IPO11: variants seen among roughly 807,000 people sequenced by gnomAD.
The protein encoded by IPO11 is importin-11.
In IPO11, 66 loss-of-function variants were observed where a neutral mutation model predicts 143.2. The observed-to-expected ratio is 0.46, with a 90% CI of 0.38 to 0.57. The LOEUF is 0.57. Among genes scored for constraint, IPO11 ranks in the 20% least tolerant of loss-of-function variants. The pLI is 0.00. For missense variants in IPO11, 1,026 were observed against 1,141.0 expected (o/e 0.90, Z 1.45); for synonymous variants, 385 against 377.8 (o/e 1.02, Z -0.22).
rs759412843 is a variant in IPO11 at position 62,483,218 on chromosome 5, T to A, written c.946T>A (p.Phe316Ile). The A allele has an allele frequency of 1.9e-6, 3 of 1,611,458 alleles. No homozygotes were observed. In the South Asian group the frequency reaches 3.3e-5, roughly 18 times the overall value. ...TGGTGAAGGCGTTACATTTGAACGA[T>A]TCATTGTCCAATGTATGAATCTTAT... ...EVGEGVTFER[F>I]IVQCMNLIKM... The change falls in exon 10 of 30, where the codon TTC becomes ATC. Residue 316 changes from phenylalanine (F) to isoleucine (I), a missense_variant. By Grantham distance (21) the Phe-to-Ile change is conservative. Around this residue, in one of 5 missense-constraint regions of IPO11, gnomAD observed 429 missense variants for 456.3 expected, o/e 0.94. Coordinates refer to ENST00000325324, the MANE Select transcript of IPO11 (RefSeq NM_016338.5).
intron 24 of IPO11, among the ~76,000 whole-genome samples, chr5:62,538,474 C>T (rs1316603964): frequency 1.3e-5 from 2 of 152,142 alleles, no homozygotes; most frequent in African/African-American, 2.4e-5. Flanking sequence ...ATGTTGTTCT[C>T]ATGATAGTGA....
intron 1 of IPO11, among the ~76,000 whole-genome samples, chr5:62,421,160 CTTCTT>C (rs1401518942): frequency 6.6e-6 from 1 of 152,086 alleles, no homozygotes; most frequent in East Asian, 1.9e-4. Flanking sequence ...ACATTTAGCT[CTTCTT>C]TTCTATATAT....
intron 3 of IPO11, among the ~76,000 whole-genome samples, chr5:62,449,122 C>T (rs915902082): frequency 2.0e-5 from 3 of 152,110 alleles, no homozygotes; most frequent in African/African-American, 7.2e-5. Context: ...CAGCCTTGAC[C>T]TCTTGGGCTC....
rs1745351182 is a variant in IPO11, at chr5:62,598,509, TC to T, written c.2679-3254del. On this transcript the variant is annotated intron_variant, in intron 28 of 29. Coordinates refer to ENST00000325324, the MANE Select transcript of IPO11 (RefSeq NM_016338.5). ...CTCTCTCTCTCTTTCTTTCTTTCTT[TC>T]TTTCTTTCTTTCTTTCTTTTCTTTC... Among the ~76,000 whole-genome samples, 2 of 6,756 alleles carry T rather than the reference TC, an allele frequency of 3.0e-4. 1 individual carries two copies. The highest frequency in any genetic ancestry group is 5.8e-3 in the Admixed American group (2 of 342). 4.4% of individuals were successfully genotyped at this position (6,756 alleles called of 152,430 possible). A position where few individuals can be genotyped will look rare whatever the true frequency, so the allele number is the denominator to read the frequency against.
intron 9 of IPO11, among the ~76,000 whole-genome samples, chr5:62,477,990 T>G (rs1038062573): frequency 6.6e-6 from 1 of 152,232 alleles, no homozygotes; most frequent in Non-Finnish European, 1.5e-5. Context: ...TGAGTCTTCA[T>G]GACATCATCA....
At chr5:62,592,827 G>T (rs182400903) in intron 28 of IPO11, among the ~76,000 whole-genome samples, 5 of 152,232 alleles carry the variant, frequency 3.3e-5, no homozygotes, top group Non-Finnish European at 7.4e-5. Flanking sequence ...ACAGCATGAG[G>T]GTAATCGCCC....
chr5:62,616,230 G>C (rs1705168021), intron 29 of IPO11, among the ~76,000 whole-genome samples: 1 of 152,126 alleles, frequency 6.6e-6, no homozygotes, highest in African/African-American at 2.4e-5. Flanking sequence ...TTAATCTGTA[G>C]GTAGCTAAAT....
chr5:62,496,380 T>C (rs1741158587), intron 16 of IPO11, among the ~76,000 whole-genome samples: 1 of 152,054 alleles, frequency 6.6e-6, no homozygotes, highest in Admixed American at 6.5e-5. Flanking sequence ...TTTGAGGAAA[T>C]GTTGCTTTAG....
intron 7 of IPO11, among the ~76,000 whole-genome samples, chr5:62,471,974 T>C (rs939351282): frequency 6.6e-6 from 1 of 152,222 alleles, no homozygotes; most frequent in Non-Finnish European, 1.5e-5. Flanking sequence ...ATTACCAAAT[T>C]GCTGAAAGAT....
intron 29 of IPO11, among the ~76,000 whole-genome samples, chr5:62,603,204 C>T (rs1337477316): frequency 6.6e-6 from 1 of 152,182 alleles, no homozygotes; most frequent in Non-Finnish European, 1.5e-5. Flanking sequence ...TAATATTTAA[C>T]ATTGAAGTAA....
At chr5:62,571,724 C>T (rs1378336324) in intron 27 of IPO11, among the ~76,000 whole-genome samples, 6 of 147,072 alleles carry the variant, frequency 4.1e-5, no homozygotes, top group South Asian at 2.1e-4. Context: ...CTTGCTCTGT[C>T]GCCCAGGCTG....
At chr5:62,481,830 T>C (rs551956938) in intron 9 of IPO11, among the ~76,000 whole-genome samples, 4 of 152,334 alleles carry the variant, frequency 2.6e-5, no homozygotes, top group African/African-American at 9.6e-5. Flanking sequence ...GATTCCCTCT[T>C]TTTCTATTGA....
At chr5:62,513,472 T>A (rs1741866524) in intron 19 of IPO11, among the ~76,000 whole-genome samples, 1 of 116,196 alleles carries the variant, frequency 8.6e-6, no homozygotes, top group African/African-American at 3.2e-5. Flanking sequence ...GGCTCCTCAC[T>A]TCCCAGTAGG....
intron 2 of IPO11, among the ~76,000 whole-genome samples, chr5:62,438,758 A>G (rs925885196): frequency 6.8e-6 from 1 of 147,948 alleles, no homozygotes; most frequent in Non-Finnish European, 1.5e-5. Context: ...ATCTCAAAAA[A>G]AAAAGGGGGG....
intron 5 of IPO11, among the ~76,000 whole-genome samples, chr5:62,462,695 CA>C (rs1195288237): frequency 6.6e-6 from 1 of 151,962 alleles, no homozygotes; most frequent in East Asian, 1.9e-4. Flanking sequence ...TATGCCCGGC[CA>C]CTATAAAATA....
chr5:62,562,049 C>T (rs576003785), intron 27 of IPO11: 2 of 152,294 alleles, frequency 1.3e-5, no homozygotes, highest in African/African-American at 2.4e-5. Flanking sequence ...CCTGGAGCCC[C>T]CTTCGTTTTC....
At chr5:62,535,130 G>C (rs1040549022) in intron 22 of IPO11, among the ~76,000 whole-genome samples, 1 of 151,710 alleles carries the variant, frequency 6.6e-6, no homozygotes, top group Admixed American at 6.6e-5. Context: ...GCAGTGTGAA[G>C]TGACCTAATT....
At chr5:62,610,516 A>G (rs1394646004) in intron 29 of IPO11, among the ~76,000 whole-genome samples, 1 of 152,228 alleles carries the variant, frequency 6.6e-6, no homozygotes, top group Non-Finnish European at 1.5e-5. Context: ...CATATCACAT[A>G]TATTTGCACC....
rs568073001 is a variant in IPO11 at position 62,481,733 on chromosome 5, A to G, written c.829-1368A>G. Among the ~76,000 whole-genome samples the G allele has an allele frequency of 2.6e-5, 4 of 152,264 alleles. No homozygotes were observed. In the East Asian group the frequency reaches 5.8e-4, roughly 22 times the overall value. On this transcript the variant is annotated intron_variant, in intron 9 of 29. Coordinates refer to ENST00000325324, the MANE Select transcript of IPO11 (RefSeq NM_016338.5). ...TATTGGTCTAAATCCCTGATTGTTC[A>G]TCAGGGATATTGGTCTCTTTTTTTG...
Sources: allele counts gnomAD v4.1 joint callset (sites outside exome capture counted in the v4.1 genomes callset), GRCh38; gene constraint gnomAD v4.1.1; regional missense constraint gnomAD v4.1.1; transcripts MANE v1.5; gene names NCBI Gene and HGNC (gene_info 2026-07-23, HGNC 2026-07-21).